Variants in PTPRD observed in about 807,000 individuals in gnomAD.
The protein encoded by PTPRD is protein tyrosine phosphatase receptor type D, also known as receptor-type tyrosine-protein phosphatase delta.
Under a neutral mutation model 214.5 loss-of-function variants are expected in PTPRD, and 34 were observed. The observed-to-expected ratio is 0.16, with a 90% CI of 0.12 to 0.21. PTPRD has a LOEUF of 0.21. PTPRD is among the 10% of genes least tolerant of loss of function. The pLI is 1.00. For synonymous variants in PTPRD, 1,128 were observed against 845.7 expected, an observed-to-expected ratio of 1.33 and a Z score of -5.79; for missense variants, 2,545 against 2,398.7, an observed-to-expected ratio of 1.06 and a Z score of -1.27.
intron 5 of PTPRD, among the ~76,000 whole-genome samples, chr9:9,858,481 C>T (rs2062000915): frequency 6.6e-6 from 1 of 152,136 alleles, no homozygotes; most frequent in African/African-American, 2.4e-5. Flanking sequence ...ATGACAAACA[C>T]CTGGCAAATG....
At chr9:8,331,468 T>TAATA (rs1175536904) in intron 44 of PTPRD, 114 bp downstream of exon 44, 2 of 1,205,354 alleles carry the variant, frequency 1.7e-6, no homozygotes, top group Middle Eastern at 2.3e-4. Context: ...TTAAGTTTTG[T>TAATA]AATACATTGC....
intron 10 of PTPRD, among the ~76,000 whole-genome samples, chr9:9,097,381 G>T (rs1026196609): frequency 4.6e-5 from 7 of 151,760 alleles, no homozygotes; most frequent in Admixed American, 1.3e-4. Context: ...AGAGGCCACA[G>T]GTTAGTAGCA....
At position 9,890,153 on chromosome 9, in the gene PTPRD, T is replaced by C. The variant is rs568333621; in HGVS notation, c.-368+48354A>G. ...ATGACATTTCTGATTTTTTAAAATA[T>C]CTCTTTACTCCTCACTAGTAAATTA... is the stretch of plus-strand genomic sequence containing the variant. On this transcript the variant is annotated intron_variant, in intron 5 of 45. Coordinates refer to ENST00000381196, the MANE Select transcript of PTPRD (RefSeq NM_002839.4). Among the ~76,000 whole-genome samples, 103 of 152,192 alleles carry C rather than the reference T, an allele frequency of 6.8e-4. 1 individual carries two copies. The highest frequency in any genetic ancestry group is 2.4e-3 in the African/African-American group (100 of 41,524).
chr9:9,510,604 T>C (rs553905759), intron 8 of PTPRD, among the ~76,000 whole-genome samples: 45 of 151,712 alleles, frequency 3.0e-4, no homozygotes, highest in African/African-American at 1.1e-3. Context: ...CCTTTACTTT[T>C]AAATATCTTA....
At chr9:10,485,729 T>C (rs1250533284) in intron 2 of PTPRD, among the ~76,000 whole-genome samples, 2 of 152,084 alleles carry the variant, frequency 1.3e-5, no homozygotes, top group East Asian at 1.9e-4. Context: ...ATTTAATGAA[T>C]TTGTTTATCA....
chr9:8,602,141 G>C (rs973800435), intron 14 of PTPRD, among the ~76,000 whole-genome samples: 4 of 152,154 alleles, frequency 2.6e-5, no homozygotes, highest in African/African-American at 9.7e-5. Flanking sequence ...CAGGCACAAT[G>C]TCCAATAAAC....
rs1481794134 is a variant in PTPRD at position 8,528,664 on chromosome 9, T to C, written c.468A>G (p.Glu156=). 6.2e-7 allele frequency: 1 copy of C among 1,613,760 alleles called. No homozygotes were observed. Among genetic ancestry groups the C allele is most frequent in the Admixed American group, 1.7e-5 (1 of 59,960 alleles). ...LCAASGNPDP[E]ITWFKDFLPV... is the part of the protein sequence containing the mutation. ...GTAAGAAATCTTTAAACCAAGTGAT[T>C]TCTGGATCCGGATTACCACTGGCTG... Residue 156 remains glutamate, a synonymous_variant, in exon 15 of 46, where the codon GAA becomes GAG. Coordinates refer to ENST00000381196, the MANE Select transcript of PTPRD (RefSeq NM_002839.4).
chr9:9,561,105 G>A (rs906272898), intron 8 of PTPRD, among the ~76,000 whole-genome samples: 1 of 152,142 alleles, frequency 6.6e-6, no homozygotes, highest in South Asian at 2.1e-4. Flanking sequence ...ACAGACAATA[G>A]TGTTGTAGAG....
intron 9 of PTPRD, among the ~76,000 whole-genome samples, chr9:9,185,693 G>C (rs943992663): frequency 2.0e-5 from 3 of 151,994 alleles, no homozygotes; most frequent in African/African-American, 7.2e-5. Flanking sequence ...TCATTTAGAT[G>C]ATTGCTGAAT....
At chr9:8,722,970 C>G (rs1421634361) in intron 12 of PTPRD, among the ~76,000 whole-genome samples, 2 of 152,136 alleles carry the variant, frequency 1.3e-5, no homozygotes, top group Non-Finnish European at 2.9e-5. Context: ...TGTATCAAAC[C>G]TTCAATGCAC....
At chr9:9,478,246 A>G (rs1395549846) in intron 8 of PTPRD, among the ~76,000 whole-genome samples, 1 of 152,208 alleles carries the variant, frequency 6.6e-6, no homozygotes, top group African/African-American at 2.4e-5. Flanking sequence ...GATTAACTGC[A>G]TGGGTATCAA....
At chr9:8,618,735 T>C (rs1413001542) in intron 14 of PTPRD, among the ~76,000 whole-genome samples, 5 of 151,876 alleles carry the variant, frequency 3.3e-5, no homozygotes, top group African/African-American at 4.8e-5. Flanking sequence ...ATTGCTCTGT[T>C]GCCCAGGCTA....
chr9:9,951,073 A>T (rs144365703), intron 4 of PTPRD, among the ~76,000 whole-genome samples: 50 of 152,276 alleles, frequency 3.3e-4, no homozygotes, highest in African/African-American at 1.2e-3. Context: ...TAAATGCGTC[A>T]TAAGTACCAG....
intron 7 of PTPRD, among the ~76,000 whole-genome samples, chr9:9,678,543 T>A (rs548501473): frequency 2.0e-5 from 3 of 152,082 alleles, no homozygotes; most frequent in South Asian, 2.1e-4. Flanking sequence ...GTATTTTTAT[T>A]AGATACCTCA....
chr9:8,948,543 T>TTTATATATATATTTA (rs2099084319), intron 11 of PTPRD, among the ~76,000 whole-genome samples: 5 of 31,178 alleles, frequency 1.6e-4, no homozygotes, highest in South Asian at 1.0e-3. Flanking sequence ...ATATATATAT[T>TTTATATATATATTTA]TATATATATT....
At chr9:8,351,739 G>A (rs1262024072) in intron 39 of PTPRD, among the ~76,000 whole-genome samples, 8 of 35,176 alleles carry the variant, frequency 2.3e-4, no homozygotes, top group South Asian at 1.9e-3. Flanking sequence ...GCTTGGCAAA[G>A]AGTAAAAAAA....
chr9:8,463,918 C>G (rs2134361057), intron 32 of PTPRD, among the ~76,000 whole-genome samples: 1 of 151,876 alleles, frequency 6.6e-6, no homozygotes, highest in Middle Eastern at 3.4e-3. Flanking sequence ...TCTCCTAGGC[C>G]TGCAAATATT....
chr9:8,653,657 A>G (rs1408327170), intron 12 of PTPRD, among the ~76,000 whole-genome samples: 1 of 151,570 alleles, frequency 6.6e-6, no homozygotes, highest in African/African-American at 2.4e-5. Flanking sequence ...CTATCAATCA[A>G]CCTCCCACCC....
chr9:9,248,816 G>A lies in PTPRD; in HGVS notation c.-202-65453C>T, dbSNP rs193030771. Among the ~76,000 whole-genome samples, 5 of 152,096 alleles carry A rather than the reference G, an allele frequency of 3.3e-5. No homozygotes were observed. In the East Asian group the frequency reaches 7.8e-4, roughly 24 times the overall value. On this transcript the variant is annotated intron_variant, in intron 9 of 45. Coordinates refer to ENST00000381196, the MANE Select transcript of PTPRD (RefSeq NM_002839.4). ...AGATCACAAACTCAAATGCTTGCAG[G>A]GACCATGGAGACAAACATAAGCAAG...
Sources: gnomAD v4.1 joint callset for allele counts (sites outside exome capture counted in the v4.1 genomes callset) on GRCh38, gnomAD v4.1.1 for gene constraint, MANE v1.5 for transcripts, NCBI Gene and HGNC (gene_info 2026-07-23, HGNC 2026-07-21) for gene names.